The following PCDHA13 variants were observed in gnomAD, a reference collection of about 807,000 sequenced individuals.
PCDHA13 encodes protocadherin alpha-13.
PCDHA13 carries 54 observed loss-of-function variants against 64.8 expected under a neutral mutation model. That is an observed-to-expected ratio of 0.83 (90% CI 0.67 to 1.04). The LOEUF is 1.04. PCDHA13 is among the 50% of genes least tolerant of loss of function. PCDHA13 has a pLI of 0.00. For missense variants in PCDHA13, 1,248 were observed against 1,254.3 expected, an observed-to-expected ratio of 0.99 and a Z score of 0.08; for synonymous variants, 587 against 564.4, an observed-to-expected ratio of 1.04 and a Z score of -0.57.
intron 1 of PCDHA13, among the ~76,000 whole-genome samples, chr5:140,923,645 C>T (rs939799750): frequency 1.1e-4 from 17 of 152,126 alleles, no homozygotes; most frequent in African/African-American, 4.1e-4. Context: ...AATCTTTAGC[C>T]TCCCTTATCT....
At chr5:140,950,050 T>C (rs1554219269) in intron 1 of PCDHA13, among the ~76,000 whole-genome samples, 3 of 151,956 alleles carry the variant, frequency 2.0e-5, no homozygotes, top group Admixed American at 6.6e-5. Context: ...CATATAAGAC[T>C]ATTTAGCTCT....
In PCDHA13 at chr5:141,010,797, AC is replaced by A. The variant is rs1329759215; in HGVS notation, c.*864del. Reference sequence around the variant, plus strand: ...AATACTTATGCAAAAGCAAAAGAAAACCCCGACACCTCACCTTTCGCTGTTT... The same window carrying A: ...AATACTTATGCAAAAGCAAAAGAAAACCCGACACCTCACCTTTCGCTGTTT... On this transcript the variant is annotated 3_prime_UTR_variant, in exon 4 of 4. Transcript: ENST00000289272. The A allele has an allele frequency of 6.5e-6, 1 of 153,778 alleles. No homozygotes were observed. The highest frequency in any genetic ancestry group is 2.4e-5 in the African/African-American group (1 of 41,460). 9.5% of individuals were successfully genotyped at this position (153,778 alleles called of 1,614,324 possible).
chr5:140,892,813 T>C (rs1335475161), intron 1 of PCDHA13, among the ~76,000 whole-genome samples: 1 of 152,228 alleles, frequency 6.6e-6, no homozygotes, highest in Non-Finnish European at 1.5e-5. Context: ...ACCATATTTA[T>C]CCTACAGTGC....
At chr5:140,966,993 G>A in intron 1 of PCDHA13, 4 of 1,604,524 alleles carry the variant, frequency 2.5e-6, no homozygotes, top group Non-Finnish European at 3.4e-6. Context: ...GGGCCGGGTT[G>A]CTTGCGCATC....
intron 1 of PCDHA13, chr5:140,926,928 G>GT: frequency 1.3e-6 from 2 of 1,574,878 alleles, no homozygotes; most frequent in South Asian, 2.4e-5. Context: ...TATGTTTGTG[G>GT]GTTTCCTGCG....
At chr5:140,969,317 G>C in intron 1 of PCDHA13, 1 of 1,614,156 alleles carries the variant, frequency 6.2e-7, no homozygotes, top group African/African-American at 1.3e-5. Context: ...AAATGAGGCT[G>C]TTTCTCAAAA....
intron 1 of PCDHA13, among the ~76,000 whole-genome samples, chr5:140,902,711 C>T (rs2153477998): frequency 6.6e-6 from 1 of 151,990 alleles, no homozygotes; most frequent in Middle Eastern, 3.4e-3. Context: ...TCTTTCACTC[C>T]CCTCCCACCC....
intron 1 of PCDHA13, among the ~76,000 whole-genome samples, chr5:140,900,220 A>G (rs2067832167): frequency 6.6e-6 from 1 of 152,132 alleles, no homozygotes; most frequent in South Asian, 2.1e-4. Context: ...GTTGTTGCAA[A>G]TGACTGGATC....
chr5:140,886,972 A>G (rs2061245917), intron 1 of PCDHA13, among the ~76,000 whole-genome samples: 1 of 152,122 alleles, frequency 6.6e-6, no homozygotes, highest in South Asian at 2.1e-4. Context: ...GAAATTTATT[A>G]TTTTGTAAAT....
chr5:140,967,127 T>C (rs155808), intron 1 of PCDHA13: 558,768 of 1,612,332 alleles, frequency 0.35, 98,550 homozygotes, highest in East Asian at 0.51. Flanking sequence ...CCTGCTCAGC[T>C]TGGAAGTGCT....
At chr5:140,974,350 C>T (rs555781549) in intron 1 of PCDHA13, among the ~76,000 whole-genome samples, 1 of 152,304 alleles carries the variant, frequency 6.6e-6, no homozygotes, top group South Asian at 2.1e-4. Flanking sequence ...GCATCCAGAA[C>T]TAAACAGACC....
At chr5:140,975,938 T>C (rs2096690603) in intron 1 of PCDHA13, among the ~76,000 whole-genome samples, 1 of 152,160 alleles carries the variant, frequency 6.6e-6, no homozygotes, top group Admixed American at 6.5e-5. Context: ...TTTGAAGCAA[T>C]AGGACATATT....
intron 1 of PCDHA13, chr5:140,927,020 T>G: frequency 6.2e-7 from 1 of 1,612,524 alleles, no homozygotes; most frequent in Non-Finnish European, 8.5e-7. Flanking sequence ...TCCGCGGACT[T>G]GAGGCTGCCA....
rs532145972 is a variant in PCDHA13 at position 140,957,602 on chromosome 5, C to T, written c.2395-21347C>T. On this transcript the variant is annotated intron_variant, in intron 1 of 3. Transcript: ENST00000289272. Reference sequence around the variant, plus strand: ...TTAACAAAGCACTTCCCAGAATAAACACACAGACATATACATGCACACACT... The same window carrying T: ...TTAACAAAGCACTTCCCAGAATAAATACACAGACATATACATGCACACACT... 3.3e-5 allele frequency among the ~76,000 whole-genome samples: 5 copies of T among 152,174 alleles called. No homozygotes were observed. In the East Asian group the frequency reaches 9.6e-4, roughly 29 times the overall value.
chr5:140,882,404 G>A lies in PCDHA13; in HGVS notation c.136G>A (p.Gly46Ser). Reference sequence around the variant, plus strand: ...GGAAGCAAAACACGGCACCTTCGTGGGCCGCATCGCTCAGGACCTGGGGCT... The same window carrying A: ...GGAAGCAAAACACGGCACCTTCGTGAGCCGCATCGCTCAGGACCTGGGGCT... ...PEEAKHGTFV[G>S]RIAQDLGLEL... Residue 46 changes from glycine (G) to serine (S), a missense_variant, in exon 1 of 4, where the codon GGC (glycine) becomes AGC (serine). Transcript: ENST00000289272. 6.2e-7 allele frequency: 1 copy of A among 1,614,152 alleles called. No homozygotes were observed.
chr5:140,939,789 A>G (rs1259994967), intron 1 of PCDHA13, among the ~76,000 whole-genome samples: 1 of 152,246 alleles, frequency 6.6e-6, no homozygotes, highest in Non-Finnish European at 1.5e-5. Context: ...GTCAATTTCT[A>G]TAAATGTTCT....
chr5:140,961,434 A>G (rs2095611315), intron 1 of PCDHA13, among the ~76,000 whole-genome samples: 1 of 152,174 alleles, frequency 6.6e-6, no homozygotes, highest in African/African-American at 2.4e-5. Context: ...TTACAAAATC[A>G]CCTAACTACA....
At chr5:140,902,189 C>T (rs2069172292) in intron 1 of PCDHA13, among the ~76,000 whole-genome samples, 1 of 145,890 alleles carries the variant, frequency 6.9e-6, no homozygotes, top group African/African-American at 2.6e-5. Flanking sequence ...TATGTCTTCT[C>T]TCTCTCTCTC....
chr5:140,899,005 G>A (rs1220603725), intron 1 of PCDHA13, among the ~76,000 whole-genome samples: 1 of 151,848 alleles, frequency 6.6e-6, no homozygotes, highest in Non-Finnish European at 1.5e-5. Context: ...TGTTATTGGT[G>A]TATAAGAATG....
Sources: gnomAD v4.1 joint callset for allele counts (sites outside exome capture counted in the v4.1 genomes callset) on GRCh38, gnomAD v4.1.1 for gene constraint, MANE v1.5 for transcripts, NCBI Gene and HGNC (gene_info 2026-07-23, HGNC 2026-07-21) for gene names.